ADCY2: variants seen among roughly 807,000 people sequenced by gnomAD.
The protein encoded by ADCY2 is adenylate cyclase type 2.
Under a neutral mutation model 125.2 loss-of-function variants are expected in ADCY2, and 31 were observed. That is an observed-to-expected ratio of 0.25 (90% CI 0.19 to 0.33). The LOEUF (loss-of-function observed/expected upper bound fraction) is 0.33. Among genes scored for constraint, ADCY2 ranks in the 10% least tolerant of loss-of-function variants. ADCY2 has a pLI of 1.00. For missense variants in ADCY2, 904 were observed against 1,418.2 expected (o/e 0.64, Z 5.82); for synonymous variants, 512 against 548.4 (o/e 0.93, Z 0.93).
At chr5:7,633,087 G>T (rs1336792701) in intron 4 of ADCY2, among the ~76,000 whole-genome samples, 5 of 151,732 alleles carry the variant, frequency 3.3e-5, no homozygotes, top group Non-Finnish European at 7.4e-5. Context: ...CATTATAGGG[G>T]TTTACAAAAG....
chr5:7,722,069 T>C (rs1226224058), intron 12 of ADCY2, among the ~76,000 whole-genome samples: 4 of 152,170 alleles, frequency 2.6e-5, no homozygotes, highest in African/African-American at 7.2e-5. Context: ...CATCCATCAT[T>C]GCTGCAAGGG....
At chr5:7,531,415 C>A (rs531530862) in intron 3 of ADCY2, among the ~76,000 whole-genome samples, 1 of 152,182 alleles carries the variant, frequency 6.6e-6, no homozygotes, top group African/African-American at 2.4e-5. Context: ...GACCACCCCC[C>A]AGATGAGAAA....
chr5:7,507,490 A>G (rs946634009), intron 2 of ADCY2, among the ~76,000 whole-genome samples: 18 of 150,904 alleles, frequency 1.2e-4, no homozygotes, highest in African/African-American at 4.1e-4. Flanking sequence ...GTAAAAACCT[A>G]GGGTAGAAAG....
chr5:7,807,269 CT>C (rs1431078357), intron 22 of ADCY2, among the ~76,000 whole-genome samples: 3 of 152,302 alleles, frequency 2.0e-5, no homozygotes, highest in African/African-American at 7.2e-5. Context: ...TTTTCTCTTC[CT>C]TTCCGCAGCC....
intron 2 of ADCY2, among the ~76,000 whole-genome samples, chr5:7,491,881 A>G (rs1490094023): frequency 2.0e-5 from 3 of 152,320 alleles, no homozygotes; most frequent in Admixed American, 6.5e-5. Context: ...ATCTATTACT[A>G]TATTCTGTTT....
At chr5:7,475,113 AG>A (rs1363787655) in intron 2 of ADCY2, among the ~76,000 whole-genome samples, 1 of 152,224 alleles carries the variant, frequency 6.6e-6, no homozygotes, top group Non-Finnish European at 1.5e-5. Context: ...CAACATGGAA[AG>A]GAACCCATTG....
chr5:7,759,939 T>C (rs1000017497), intron 16 of ADCY2, among the ~76,000 whole-genome samples: 1 of 152,100 alleles, frequency 6.6e-6, no homozygotes, highest in African/African-American at 2.4e-5. Flanking sequence ...GGAGTGGTTC[T>C]TGCTATGGTC....
At chr5:7,673,274 A>ATATATATATATATATATATATATATG (rs1740002944) in intron 4 of ADCY2, among the ~76,000 whole-genome samples, 1 of 84,712 alleles carries the variant, frequency 1.2e-5, no homozygotes, top group African/African-American at 4.3e-5. Context: ...AAAAAAATAT[A>ATATATATATATATATATATATATATG]TATATATATA....
intron 2 of ADCY2, among the ~76,000 whole-genome samples, chr5:7,477,827 C>G (rs1742578793): frequency 6.6e-6 from 1 of 152,134 alleles, no homozygotes; most frequent in Admixed American, 6.5e-5. Flanking sequence ...TATCACTGCT[C>G]TACTCTTAAC....
intron 3 of ADCY2, among the ~76,000 whole-genome samples, chr5:7,544,344 A>T (rs924089777): frequency 6.6e-6 from 1 of 152,192 alleles, no homozygotes; most frequent in Non-Finnish European, 1.5e-5. Context: ...GGTAAAGTCA[A>T]GGTGTTGGCA....
At chr5:7,635,749 A>G (rs1363102336) in intron 4 of ADCY2, among the ~76,000 whole-genome samples, 2 of 152,224 alleles carry the variant, frequency 1.3e-5, no homozygotes, top group Non-Finnish European at 2.9e-5. Context: ...ACCTCAAAGC[A>G]CACTAACATT....
intron 2 of ADCY2, among the ~76,000 whole-genome samples, chr5:7,459,418 G>T (rs1346182067): frequency 6.6e-6 from 1 of 152,186 alleles, no homozygotes; most frequent in African/African-American, 2.4e-5. Flanking sequence ...TGAATGTAAG[G>T]TTTATTGTCT....
intron 2 of ADCY2, among the ~76,000 whole-genome samples, chr5:7,454,045 T>G (rs1312046145): frequency 6.6e-6 from 1 of 152,152 alleles, no homozygotes; most frequent in East Asian, 1.9e-4. Flanking sequence ...ATTATTATTT[T>G]AGCGAGACAG....
At chr5:7,451,029 A>G (rs1055373021) in intron 2 of ADCY2, among the ~76,000 whole-genome samples, 28 of 152,244 alleles carry the variant, frequency 1.8e-4, no homozygotes, top group Middle Eastern at 3.2e-3. Flanking sequence ...TGATCACCCA[A>G]GAGCTCTGAT....
intron 2 of ADCY2, among the ~76,000 whole-genome samples, chr5:7,446,631 G>A (rs1489008036): frequency 3.3e-5 from 5 of 152,090 alleles, no homozygotes; most frequent in African/African-American, 4.8e-5. Flanking sequence ...TTTGTAACCC[G>A]AAAGTCTTGT....
Position 7,816,858 on chromosome 5 carries a change from G to C in ADCY2, c.2884-8G>C, listed in dbSNP as rs773092054. On this transcript the variant is annotated splice_region_variant and splice_polypyrimidine_tract_variant and intron_variant, in intron 22 of 24. Transcript: ENST00000338316. ...AACTTCCATCTGCCTGTGTGTGTTT[G>C]TTCTCAGGAGCCCGAGCGGCAGTAC... The C allele has an allele frequency of 6.2e-7, 1 of 1,612,774 alleles. No homozygotes were observed. Among genetic ancestry groups the C allele is most frequent in the East Asian group, 2.2e-5 (1 of 44,868 alleles).
rs562431241 is a variant in ADCY2, at chr5:7,453,905, G to T, written c.408+39135G>T. On this transcript the variant is annotated intron_variant, in intron 2 of 24. Coordinates refer to ENST00000338316, the MANE Select transcript of ADCY2 (RefSeq NM_020546.3). ...TATACCAGTTAAACTCCGCCATTTT[G>T]CCTCTTAAATGCACCTGTGTGAGCC... Among the ~76,000 whole-genome samples the T allele has an allele frequency of 3.3e-5, 5 of 152,160 alleles. 1 individual carries two copies. In the East Asian group the frequency reaches 9.7e-4, roughly 29 times the overall value.
chr5:7,570,562 A>C (rs1365057762), intron 3 of ADCY2, among the ~76,000 whole-genome samples: 1 of 151,956 alleles, frequency 6.6e-6, no homozygotes, highest in Non-Finnish European at 1.5e-5. Context: ...GATGAAGAAA[A>C]AATGCAGAAA....
At chr5:7,754,692 G>T (rs1742931806) in intron 15 of ADCY2, among the ~76,000 whole-genome samples, 1 of 144,542 alleles carries the variant, frequency 6.9e-6, no homozygotes, top group African/African-American at 2.6e-5. Context: ...AAAAGTAGTT[G>T]CGGTTTAAAG....
Sources: gnomAD v4.1 joint callset for allele counts (sites outside exome capture counted in the v4.1 genomes callset) on GRCh38, gnomAD v4.1.1 for gene constraint, MANE v1.5 for transcripts, NCBI Gene and HGNC (gene_info 2026-07-23, HGNC 2026-07-21) for gene names.